LUZP2: variants seen among roughly 807,000 people sequenced by gnomAD.
LUZP2 encodes leucine zipper protein 2.
LUZP2 carries 52 observed loss-of-function variants against 51.6 expected under a neutral mutation model. The ratio of observed to expected loss-of-function variants is 1.01; its 90% CI spans 0.81 to 1.27. The LOEUF (loss-of-function observed/expected upper bound fraction) is 1.27. Among genes scored for constraint, LUZP2 ranks in the 50% most tolerant of loss-of-function variants. The probability of loss-of-function intolerance (pLI) is 0.00; values close to 1 mark genes in which losing one functional copy is unlikely to be tolerated. For synonymous variants in LUZP2, 154 were observed against 137.3 expected (o/e 1.12, Z -0.85); for missense variants, 436 against 395.4 (o/e 1.10, Z -0.87).
At chr11:24,677,082 T>C (rs1341829572) in intron 1 of LUZP2, among the ~76,000 whole-genome samples, 1 of 151,754 alleles carries the variant, frequency 6.6e-6, no homozygotes, top group Non-Finnish European at 1.5e-5. Context: ...AGCTTTACCT[T>C]TTCTGCCTCC....
At chr11:24,739,507 A>T (rs985200343) in intron 4 of LUZP2, among the ~76,000 whole-genome samples, 1 of 152,060 alleles carries the variant, frequency 6.6e-6, no homozygotes, top group African/African-American at 2.4e-5. Context: ...GCTCAAGCAT[A>T]TGATTGGGTT....
chr11:24,897,323 C>G (rs1282032635), intron 5 of LUZP2, among the ~76,000 whole-genome samples: 2 of 152,176 alleles, frequency 1.3e-5, no homozygotes, highest in African/African-American at 2.4e-5. Context: ...TAGCAACCCG[C>G]CTCTGTGGAA....
intron 5 of LUZP2, among the ~76,000 whole-genome samples, chr11:24,770,500 A>C (rs1369692507): frequency 6.6e-6 from 1 of 152,064 alleles, no homozygotes; most frequent in Admixed American, 6.6e-5. Context: ...CATATAGTTT[A>C]CTACAATTCT....
intron 1 of LUZP2, among the ~76,000 whole-genome samples, chr11:24,710,999 G>C (rs1375247530): frequency 6.6e-6 from 1 of 150,396 alleles, no homozygotes; most frequent in Non-Finnish European, 1.5e-5. Flanking sequence ...GGGAGGTAGA[G>C]AGGGGGAAAA....
intron 1 of LUZP2, among the ~76,000 whole-genome samples, chr11:24,546,941 TTTGTTG>T (rs1033212527): frequency 2.0e-5 from 3 of 149,794 alleles, no homozygotes; most frequent in Non-Finnish European, 3.0e-5. Flanking sequence ...TGTGTGTGTT[TTTGTTG>T]TTGTTGTTGT....
intron 7 of LUZP2, among the ~76,000 whole-genome samples, chr11:24,950,066 A>T (rs1246923971): frequency 6.9e-6 from 1 of 145,560 alleles, no homozygotes; most frequent in Non-Finnish European, 1.5e-5. Context: ...GGGTATATGG[A>T]GGGAGAGATG....
At position 24,667,961 on chromosome 11, in the gene LUZP2, T is replaced by C. The variant is rs371641105; in HGVS notation, c.63-61208T>C. On this transcript the variant is annotated intron_variant, in intron 1 of 11. Coordinates refer to ENST00000336930, the MANE Select transcript of LUZP2 (RefSeq NM_001009909.4). ...TTCCTCTTGGAGTTTATTAATTCACTTTTATAGAAATGAGAACTATAAAGC... is the reference window on the plus strand; with the variant it reads ...TTCCTCTTGGAGTTTATTAATTCACCTTTATAGAAATGAGAACTATAAAGC... Among the ~76,000 whole-genome samples the C allele has an allele frequency of 2.6e-5, 4 of 152,220 alleles. No individual in the cohort carries two copies. The South Asian group carries it at 8.3e-4, about 31-fold the overall frequency.
chr11:24,597,832 G>A (rs535146961), intron 1 of LUZP2, among the ~76,000 whole-genome samples: 8 of 152,158 alleles, frequency 5.3e-5, no homozygotes, highest in African/African-American at 1.9e-4. Context: ...AGCCACCATG[G>A]CTTATATGCC....
chr11:24,719,034 C>A (rs554400258), intron 1 of LUZP2, among the ~76,000 whole-genome samples: 3 of 152,198 alleles, frequency 2.0e-5, no homozygotes, highest in Non-Finnish European at 2.9e-5. Context: ...GAAAGCTGAA[C>A]AAAGGAAAAT....
intron 1 of LUZP2, among the ~76,000 whole-genome samples, chr11:24,717,813 A>G (rs528052821): frequency 7.9e-5 from 12 of 152,068 alleles, no homozygotes; most frequent in Admixed American, 6.6e-4. Context: ...GTGAGTTCTC[A>G]TCATTTACCT....
intron 10 of LUZP2, among the ~76,000 whole-genome samples, chr11:25,068,955 A>C (rs1022272731): frequency 2.6e-5 from 4 of 151,992 alleles, no homozygotes; most frequent in Non-Finnish European, 5.9e-5. Flanking sequence ...TTCATCCTTC[A>C]TGAAGAAATC....
At chr11:24,827,011 A>G (rs1193466204) in intron 5 of LUZP2, among the ~76,000 whole-genome samples, 1 of 152,204 alleles carries the variant, frequency 6.6e-6, no homozygotes, top group East Asian at 1.9e-4. Flanking sequence ...TAAAATTATA[A>G]TGTCATTGGG....
intron 1 of LUZP2, among the ~76,000 whole-genome samples, chr11:24,512,982 T>G (rs1482226924): frequency 6.6e-6 from 1 of 152,220 alleles, no homozygotes; most frequent in Non-Finnish European, 1.5e-5. Context: ...GGTCTTGAAC[T>G]CCTGACCTCA....
intron 9 of LUZP2, among the ~76,000 whole-genome samples, chr11:25,000,859 A>G (rs1468372206): frequency 6.6e-6 from 1 of 152,102 alleles, no homozygotes; most frequent in Non-Finnish European, 1.5e-5. Context: ...GATTGTAGTT[A>G]CTATCCTTAC....
chr11:24,619,818 A>T (rs1487853828), intron 1 of LUZP2, among the ~76,000 whole-genome samples: 1 of 152,164 alleles, frequency 6.6e-6, no homozygotes, highest in Non-Finnish European at 1.5e-5. Flanking sequence ...TAAGAAAAAA[A>T]GTCTATACGT....
chr11:24,774,453 T>C (rs1365257255), intron 5 of LUZP2, among the ~76,000 whole-genome samples: 1 of 134,202 alleles, frequency 7.5e-6, no homozygotes, highest in Non-Finnish European at 1.6e-5. Flanking sequence ...ATATAAAGAA[T>C]ATATTCTTTA....
intron 1 of LUZP2, among the ~76,000 whole-genome samples, chr11:24,647,414 G>A (rs1284333374): frequency 6.6e-6 from 1 of 151,888 alleles, no homozygotes; most frequent in Non-Finnish European, 1.5e-5. Context: ...GAAACTTCAT[G>A]CTGAATACAA....
intron 7 of LUZP2, among the ~76,000 whole-genome samples, chr11:24,957,128 C>A (rs1855233231): frequency 6.6e-6 from 1 of 152,196 alleles, no homozygotes; most frequent in East Asian, 1.9e-4. Flanking sequence ...GGCTTTTAAA[C>A]TGTTGGAGTG....
intron 10 of LUZP2, among the ~76,000 whole-genome samples, chr11:25,070,770 G>GGTGT (rs67504954): frequency 0.2 from 28,054 of 141,022 alleles, 2,983 homozygotes; most frequent in Middle Eastern, 0.24. Context: ...GACTGTGTAT[G>GGTGT]GTGTGTGTGT....
Sources: allele counts gnomAD v4.1 joint callset (sites outside exome capture counted in the v4.1 genomes callset), GRCh38; gene constraint gnomAD v4.1.1; transcripts MANE v1.5; gene names NCBI Gene and HGNC (gene_info 2026-07-23, HGNC 2026-07-21).